Variants in POLR1C observed in about 807,000 individuals in gnomAD.
The protein encoded by POLR1C is RNA polymerase I and III subunit C.
Under a neutral mutation model 38.3 loss-of-function variants are expected in POLR1C, and 42 were observed. That is an observed-to-expected ratio of 1.10 (90% CI 0.86 to 1.42). The LOEUF is 1.42. Ranked by LOEUF, POLR1C falls within the 40% of genes most tolerant of loss-of-function variation. The pLI, the probability that POLR1C is intolerant of heterozygous loss-of-function variation, is 0.00. For synonymous variants in POLR1C, 163 were observed against 163.9 expected (o/e 0.99, Z 0.04); for missense variants, 507 against 450.5 (o/e 1.13, Z -1.14).
At chr6:43,556,106 A>T in intron 10 of POLR1C, 1 of 1,085,212 alleles carries the variant, frequency 9.2e-7, no homozygotes, top group Non-Finnish European at 1.3e-6. Context: ...TGTAATAATC[A>T]CTCAATAAAA....
At chr6:43,522,829 C>T (rs1719785105), downstream of POLR1C, 3 of 322,062 alleles carry the variant, frequency 9.3e-6, no homozygotes, top group South Asian at 7.0e-5. Context: ...GGGCCAGGTC[C>T]CGTATCCATG....
intron 2 of POLR1C, among the ~76,000 whole-genome samples, chr6:43,517,821 GTATT>G (rs1237435572): frequency 6.6e-6 from 1 of 152,158 alleles, no homozygotes; most frequent in Admixed American, 6.5e-5. Flanking sequence ...GGTTTTGTGT[GTATT>G]TAGTCTTTTG....
chr6:43,519,114 C>T, intron 2 of POLR1C: 3 of 593,744 alleles, frequency 5.1e-6, no homozygotes, highest in Non-Finnish European at 9.0e-6. Flanking sequence ...TGGTTGGAAG[C>T]CATATTGCAT....
At chr6:43,560,391 C>T (rs1762356086) in intron 10 of POLR1C, 1 of 1,434,430 alleles carries the variant, frequency 7.0e-7, no homozygotes, top group African/African-American at 1.4e-5. Context: ...TACATTTTTT[C>T]ATAGAAATAA....
At chr6:43,527,610 C>G in intron 8 of POLR1C, 1 of 1,612,232 alleles carries the variant, frequency 6.2e-7, no homozygotes, top group Non-Finnish European at 8.5e-7. Flanking sequence ...TCCTCTATAG[C>G]CCCAGTTTCG....
chr6:43,520,714 G>C lies in POLR1C; in HGVS notation c.745G>C (p.Ala249Pro). Reference sequence around the variant, plus strand: ...CCTGCTTGAGCCCGTGGAAGGGGAGGCAGCTGAGGAGTTGAGCAGGTGCTT... The same window carrying C: ...CCTGCTTGAGCCCGTGGAAGGGGAGCCAGCTGAGGAGTTGAGCAGGTGCTT... ...ITLLEPVEGE[A>P]AEELSRCFSP... The change falls in exon 7 of 9, where the codon GCA becomes CCA. Residue 249 changes from alanine to proline, a missense_variant. Ala to Pro is a conservative substitution (Grantham distance 27). Coordinates refer to ENST00000642195, the MANE Select transcript of POLR1C (RefSeq NM_203290.4). The C allele has an allele frequency of 6.2e-7, 1 of 1,614,150 alleles. No homozygotes were observed. The highest frequency in any genetic ancestry group is 8.5e-7 in the Non-Finnish European group (1 of 1,180,006).
intron 10 of POLR1C, chr6:43,555,876 C>T: frequency 1.2e-6 from 2 of 1,613,930 alleles, no homozygotes; most frequent in East Asian, 2.2e-5. Flanking sequence ...ATAGTTGATA[C>T]TTTAGCCACT....
chr6:43,519,742 A>G lies in POLR1C; in HGVS notation c.286A>G (p.Asn96Asp), dbSNP rs1466528615. 1 of 1,614,044 alleles carries G rather than the reference A, an allele frequency of 6.2e-7. No individual in the cohort carries two copies. The highest frequency in any genetic ancestry group is 8.5e-7 in the Non-Finnish European group (1 of 1,180,016). The change falls in exon 4 of 9, where the codon AAT becomes GAT. Residue 96 changes from asparagine to aspartate, a missense_variant. Coordinates refer to ENST00000642195, the MANE Select transcript of POLR1C (RefSeq NM_203290.4). ...TMAVEKVLVY[N>D]NTSIVQDEIL... The stretch of plus-strand genomic sequence containing the variant: ...GGCTGTGGAGAAGGTCCTGGTGTAC[A>G]ATAATACATCCATTGTTCAGGATGA...
At chr6:43,546,484 G>T in intron 9 of POLR1C, 1 of 1,324,270 alleles carries the variant, frequency 7.6e-7, no homozygotes, top group Non-Finnish European at 1.0e-6. Context: ...ATACCACTAA[G>T]ATATGAAGAC....
At chr6:43,528,396 TG>T (rs1214156974) in intron 8 of POLR1C, among the ~76,000 whole-genome samples, 2 of 152,116 alleles carry the variant, frequency 1.3e-5, no homozygotes, top group African/African-American at 4.8e-5. Context: ...CCCACATCCC[TG>T]ATGAAGGTGG....
At chr6:43,529,942 A>G (rs955439074), downstream of POLR1C, among the ~76,000 whole-genome samples, 4 of 151,170 alleles carry the variant, frequency 2.6e-5, no homozygotes, top group Non-Finnish European at 5.9e-5. Context: ...TTCTAAAAAT[A>G]CAGAAAAGGG....
At chr6:43,561,175 T>C (rs1376538890) in intron 10 of POLR1C, among the ~76,000 whole-genome samples, 3 of 152,176 alleles carry the variant, frequency 2.0e-5, no homozygotes, top group Admixed American at 1.3e-4. Flanking sequence ...GGCTAAAATA[T>C]AGGTTACTTT....
chr6:43,526,408 T>C, downstream of POLR1C: 2 of 488,130 alleles, frequency 4.1e-6, no homozygotes, highest in East Asian at 7.0e-5. Flanking sequence ...AGGTTGGTCA[T>C]GGACGATCTC....
chr6:43,531,548 T>C (rs201138656), downstream of POLR1C: 582 of 1,613,914 alleles, frequency 3.6e-4, 2 homozygotes, highest in African/African-American at 1.1e-3. Flanking sequence ...AGGAGAGTCA[T>C]TGAGTTCCAA....
chr6:43,519,939 C>A (rs1183548631), intron 4 of POLR1C, 101 bp downstream of exon 4: 2 of 1,537,762 alleles, frequency 1.3e-6, no homozygotes, highest in Non-Finnish European at 1.8e-6. Flanking sequence ...CAGTGTCTTT[C>A]ATCTGTGAGA....
intron 10 of POLR1C, chr6:43,555,931 A>G (rs1762056885): frequency 6.2e-7 from 1 of 1,613,898 alleles, no homozygotes; most frequent in South Asian, 1.1e-5. Context: ...ACGACATGCC[A>G]ACCTCATCAC....
At chr6:43,521,120 A>G (rs983311637) in intron 8 of POLR1C, 62 bp from the exon 9 acceptor site, 1 of 1,604,070 alleles carries the variant, frequency 6.2e-7, no homozygotes, top group Non-Finnish European at 8.5e-7. Flanking sequence ...CTAGATGTGA[A>G]GTTTATGAGT....
chr6:43,527,748 G>A, intron 8 of POLR1C: 1 of 1,613,644 alleles, frequency 6.2e-7, no homozygotes. Context: ...AAAACCAGGG[G>A]GCCAAGTTCC....
At chr6:43,524,471 C>T (rs1793419544), downstream of POLR1C, 3 of 1,613,024 alleles carry the variant, frequency 1.9e-6, no homozygotes, top group East Asian at 4.5e-5. Flanking sequence ...CATGACCTAC[C>T]CCAATGCAAC....
Sources: allele counts gnomAD v4.1 joint callset (sites outside exome capture counted in the v4.1 genomes callset), GRCh38; gene constraint gnomAD v4.1.1; transcripts MANE v1.5; gene names NCBI Gene and HGNC (gene_info 2026-07-23, HGNC 2026-07-21).